OTUD7A: variants seen among roughly 807,000 people sequenced by gnomAD.
OTUD7A encodes OTU domain-containing protein 7A.
OTUD7A carries 12 observed loss-of-function variants against 65.7 expected under a neutral mutation model. The observed-to-expected ratio is 0.18, with a 90% confidence interval of 0.12 to 0.30. The LOEUF is 0.30. Among genes scored for constraint, OTUD7A ranks in the 10% least tolerant of loss-of-function variants. OTUD7A has a pLI of 1.00. For missense variants in OTUD7A, 1,148 were observed against 1,304.8 expected, an observed-to-expected ratio of 0.88 and a Z score of 1.85; for synonymous variants, 641 against 586.3, an observed-to-expected ratio of 1.09 and a Z score of -1.35.
rs1296941647 is a variant in OTUD7A at position 31,484,065 on chromosome 15, C to T, written c.2031G>A (p.Glu677=). ...SAQERFSAEQ[E]QRRRDAATAA... ...CAGTAGCGGCGTCGCGGCGCCGCTG[C>T]TCCTGCTCGGCGCTGAAGCGCTCCT... Residue 677 remains glutamate (E), a synonymous_variant, in exon 13 of 13, where the codon GAG becomes GAA. Coordinates refer to ENST00000307050, the MANE Select transcript of OTUD7A (RefSeq NM_001382637.1). The surrounding 1 kb of genome is among the most constrained non-coding windows in gnomAD (Gnocchi z 4.5). 3 of 1,542,006 alleles carry T rather than the reference C, an allele frequency of 1.9e-6. No individual in the cohort carries two copies. The highest frequency in any genetic ancestry group is 1.4e-5 in the African/African-American group (1 of 72,290).
chr15:31,488,704 G>A (rs964171859), intron 10 of OTUD7A, among the ~76,000 whole-genome samples: 2 of 152,296 alleles, frequency 1.3e-5, no homozygotes, highest in Non-Finnish European at 2.9e-5. Flanking sequence ...AGATCAAATC[G>A]AAGACTGAAC....
chr15:31,751,292 G>A (rs1176589175), intron 1 of OTUD7A, among the ~76,000 whole-genome samples: 1 of 149,738 alleles, frequency 6.7e-6, no homozygotes, highest in Non-Finnish European at 1.5e-5. Context: ...AGACATATGA[G>A]TGGCCAACAA....
At position 31,816,208 on chromosome 15, in the gene OTUD7A, T is replaced by A. The variant is rs370286771; in HGVS notation, c.-100+54299A>T. 5.1e-4 allele frequency among the ~76,000 whole-genome samples: 78 copies of A among 152,250 alleles called. 1 individual carries two copies. The South Asian group carries it at 8.7e-3, about 17-fold the overall frequency. ...TTCATCCAATCACTCTGTGGTAACATCAAACCTTGGGTAGAGGGCCCACAG... is the reference window on the plus strand; with the variant it reads ...TTCATCCAATCACTCTGTGGTAACAACAAACCTTGGGTAGAGGGCCCACAG... On this transcript the variant is annotated intron_variant, in intron 1 of 12. Transcript: ENST00000307050.
chr15:31,511,004 CTATATGTAACATACAT>C lies in OTUD7A; in HGVS notation c.894-7202_894-7187del. Among the ~76,000 whole-genome samples the C allele has an allele frequency of 3.4e-5, 2 of 59,700 alleles. 1 individual carries two copies. Among genetic ancestry groups the C allele is most frequent in the African/African-American group, 2.3e-4 (2 of 8,540 alleles). 39.2% of individuals were successfully genotyped at this position (59,700 alleles called of 152,430 possible). ...ATATCTATATGTAACATATGTATAT[CTATATGTAACATACAT>C]GTATATCTATATGTAACATACATGT... is the stretch of plus-strand genomic sequence containing the variant. On this transcript the variant is annotated intron_variant, in intron 8 of 12. Transcript: ENST00000307050.
intron 3 of OTUD7A, among the ~76,000 whole-genome samples, chr15:31,595,456 T>C (rs923609717): frequency 6.6e-6 from 1 of 152,230 alleles, no homozygotes; most frequent in African/African-American, 2.4e-5. Context: ...CCCAGAGCTG[T>C]GCCCAGCTGG....
At chr15:31,815,632 T>C (rs533079358) in intron 1 of OTUD7A, among the ~76,000 whole-genome samples, 2 of 152,210 alleles carry the variant, frequency 1.3e-5, no homozygotes, top group South Asian at 2.1e-4. Context: ...TGGTCTATGG[T>C]TGGGTCCATT....
chr15:31,643,153 A>G (rs1891566572), intron 3 of OTUD7A, among the ~76,000 whole-genome samples: 1 of 151,838 alleles, frequency 6.6e-6, no homozygotes, highest in Non-Finnish European at 1.5e-5. Flanking sequence ...ATTTTTAATT[A>G]TTTTTTCTTT....
intron 1 of OTUD7A, among the ~76,000 whole-genome samples, chr15:31,824,166 C>T (rs934439140): frequency 1.3e-5 from 2 of 152,228 alleles, no homozygotes; most frequent in Non-Finnish European, 2.9e-5. Context: ...GTTTCTGGAA[C>T]AGACTCCTTC....
chr15:31,649,052 C>T (rs1184517110), intron 3 of OTUD7A, among the ~76,000 whole-genome samples: 7 of 152,176 alleles, frequency 4.6e-5, no homozygotes, highest in Admixed American at 1.3e-4. Flanking sequence ...TGAGCCACCA[C>T]GCCCAGCCTC....
chr15:31,761,923 T>C (rs1468291573), intron 1 of OTUD7A, among the ~76,000 whole-genome samples: 1 of 152,200 alleles, frequency 6.6e-6, no homozygotes, highest in African/African-American at 2.4e-5. Context: ...TATTATATGA[T>C]GCCATTTGTA....
chr15:31,724,704 G>A (rs899565032), intron 1 of OTUD7A, among the ~76,000 whole-genome samples: 1 of 152,172 alleles, frequency 6.6e-6, no homozygotes, highest in Non-Finnish European at 1.5e-5. Context: ...AAGGGCAGGA[G>A]TGCTGGGGTC....
chr15:31,755,952 G>A (rs1894801171), intron 1 of OTUD7A, among the ~76,000 whole-genome samples: 1 of 152,286 alleles, frequency 6.6e-6, no homozygotes, highest in South Asian at 2.1e-4. Context: ...CTAGAAAGGG[G>A]TTATGGGCTT....
At position 31,484,333 on chromosome 15, in the gene OTUD7A, G is replaced by T; in HGVS notation, c.1763C>A (p.Thr588Lys). The T allele has an allele frequency of 6.2e-7, 1 of 1,600,088 alleles. No homozygotes were observed. The highest frequency in any genetic ancestry group is 8.5e-7 in the Non-Finnish European group (1 of 1,179,068). The change falls in exon 13 of 13, where the codon ACG becomes AAG. Residue 588 changes from threonine to lysine, a missense_variant. Coordinates refer to ENST00000307050, the MANE Select transcript of OTUD7A (RefSeq NM_001382637.1). The surrounding 1 kb of genome is among the most constrained non-coding windows in gnomAD (Gnocchi z 4.5). ...CGGCGTGGTCTTTTCCGACGGCGAC[G>T]TGCTGGCCGACGCACCAGACTCCTC... Reference protein sequence around the residue: ...SKEESGASASTSPSEKTTPSP... With the variant: ...SKEESGASASKSPSEKTTPSP...
At chr15:31,744,971 AAAT>A (rs1483091032) in intron 1 of OTUD7A, among the ~76,000 whole-genome samples, 5 of 152,142 alleles carry the variant, frequency 3.3e-5, no homozygotes, top group African/African-American at 1.2e-4. Flanking sequence ...AAAAAACATA[AAAT>A]AATCCAGAAT....
chr15:31,792,564 C>A (rs988268645), intron 1 of OTUD7A, among the ~76,000 whole-genome samples: 1 of 152,196 alleles, frequency 6.6e-6, no homozygotes, highest in Non-Finnish European at 1.5e-5. Flanking sequence ...CTGGCCCCCA[C>A]CTTTATTCAG....
intron 4 of OTUD7A, among the ~76,000 whole-genome samples, chr15:31,567,506 C>G (rs1229984018): frequency 7.4e-6 from 1 of 134,898 alleles, no homozygotes; most frequent in East Asian, 2.0e-4. Flanking sequence ...AAATTTGCAG[C>G]CTAGCCATGT....
At position 31,740,527 on chromosome 15, in the gene OTUD7A, C is replaced by A. The variant is rs533522080; in HGVS notation, c.-99-83450G>T. ...CAGAGGAAGGAGGAGAATGGTCTGG[C>A]GAGGACGGCTGCCGTGGGGGTGAGA... On this transcript the variant is annotated intron_variant, in intron 1 of 12. Transcript: ENST00000307050. Among the ~76,000 whole-genome samples the A allele has an allele frequency of 2.6e-5, 4 of 151,858 alleles. No homozygotes were observed. In the South Asian group the frequency reaches 8.3e-4, roughly 32 times the overall value.
intron 1 of OTUD7A, among the ~76,000 whole-genome samples, chr15:31,681,293 CTCCA>C (rs961318260): frequency 6.6e-6 from 1 of 151,234 alleles, no homozygotes; most frequent in Admixed American, 6.6e-5. Flanking sequence ...TTCTACCTGT[CTCCA>C]TCCATCCATC....
intron 1 of OTUD7A, among the ~76,000 whole-genome samples, chr15:31,738,798 A>G (rs577362062): frequency 5.9e-5 from 9 of 152,324 alleles, no homozygotes; most frequent in Admixed American, 5.9e-4. Flanking sequence ...GGATGCCAAA[A>G]AGCTTAGAAG....
Sources: gnomAD v4.1 joint callset for allele counts (sites outside exome capture counted in the v4.1 genomes callset) on GRCh38, gnomAD v4.1.1 for gene constraint, Gnocchi (gnomAD v3.1) non-coding constraint, MANE v1.5 for transcripts, NCBI Gene and HGNC (gene_info 2026-07-23, HGNC 2026-07-21) for gene names.